Variants in SLC44A1 observed in about 807,000 individuals in gnomAD.
SLC44A1 encodes the protein solute carrier family 44 member 1.
A neutral mutation model predicts 79.3 loss-of-function variants in SLC44A1; 26 were observed. That is an observed-to-expected ratio of 0.33 (90% CI 0.24 to 0.46). The LOEUF (loss-of-function observed/expected upper bound fraction) is 0.46, where lower values mean the gene tolerates loss of function less well. Ranked by LOEUF, SLC44A1 falls within the 20% of genes least tolerant of loss-of-function variation. The pLI is 1.00. For synonymous variants in SLC44A1, 263 were observed against 286.2 expected, an observed-to-expected ratio of 0.92 and a Z score of 0.82; for missense variants, 688 against 798.1, an observed-to-expected ratio of 0.86 and a Z score of 1.66.
At chr9:105,426,155 T>C (rs1328200554) in intron 15 of SLC44A1, among the ~76,000 whole-genome samples, 2 of 152,220 alleles carry the variant, frequency 1.3e-5, no homozygotes, top group Admixed American at 6.5e-5. Flanking sequence ...GGCCTTTCTA[T>C]ATAAACCATT....
chr9:105,399,898 G>GA (rs1266852114), downstream of SLC44A1, among the ~76,000 whole-genome samples: 3 of 152,292 alleles, frequency 2.0e-5, no homozygotes, highest in Admixed American at 6.5e-5. Flanking sequence ...GAGAATCATT[G>GA]AAAATGAAAA....
chr9:105,335,067 A>G (rs901218494), intron 3 of SLC44A1, among the ~76,000 whole-genome samples: 3 of 152,130 alleles, frequency 2.0e-5, no homozygotes, highest in Non-Finnish European at 4.4e-5. Context: ...ATTCAGTTGT[A>G]TATATTCATT....
At chr9:105,428,784 C>T (rs548253686) in intron 15 of SLC44A1, among the ~76,000 whole-genome samples, 88 of 152,318 alleles carry the variant, frequency 5.8e-4, no homozygotes, top group Admixed American at 2.5e-3. Flanking sequence ...CCTACAGCCT[C>T]CGCCTCCTGG....
chr9:105,267,433 A>AT (rs566615100), intron 1 of SLC44A1, among the ~76,000 whole-genome samples: 2 of 151,714 alleles, frequency 1.3e-5, no homozygotes, highest in Non-Finnish European at 1.5e-5. Context: ...TCTTTCTTGG[A>AT]TTTTTTTCCC....
At chr9:105,249,550 G>C (rs969725751) in intron 1 of SLC44A1, among the ~76,000 whole-genome samples, 2 of 148,882 alleles carry the variant, frequency 1.3e-5, no homozygotes, top group Non-Finnish European at 3.0e-5. Flanking sequence ...TTGAGCCAGA[G>C]TTTGGCTCTC....
At chr9:105,406,671 G>C (rs756116671) in intron 15 of SLC44A1, among the ~76,000 whole-genome samples, 1 of 152,176 alleles carries the variant, frequency 6.6e-6, no homozygotes, top group Non-Finnish European at 1.5e-5. Context: ...GAGCCCACGA[G>C]TTCAAGGCCG....
intron 1 of SLC44A1, among the ~76,000 whole-genome samples, chr9:105,262,703 CTGT>C (rs1829869104): frequency 6.6e-6 from 1 of 152,162 alleles, no homozygotes; most frequent in Non-Finnish European, 1.5e-5. Flanking sequence ...GCACAGTGAC[CTGT>C]TTAGTGTTCC....
chr9:105,298,461 T>A (rs1392999804), intron 1 of SLC44A1, among the ~76,000 whole-genome samples: 1 of 152,200 alleles, frequency 6.6e-6, no homozygotes, highest in African/African-American at 2.4e-5. Context: ...CAAGCGGTTC[T>A]CCTGCCTCAG....
At chr9:105,432,887 A>C (rs1005336072) in intron 15 of SLC44A1, among the ~76,000 whole-genome samples, 1 of 152,206 alleles carries the variant, frequency 6.6e-6, no homozygotes, top group Non-Finnish European at 1.5e-5. Context: ...AAAAATAAGA[A>C]CTTCAGTTCA....
chr9:105,258,448 G>A (rs567605893), intron 1 of SLC44A1, among the ~76,000 whole-genome samples: 209 of 152,284 alleles, frequency 1.4e-3, no homozygotes, highest in African/African-American at 4.6e-3. Flanking sequence ...TAACTCTGAG[G>A]TGGGTCCCAG....
intron 2 of SLC44A1, among the ~76,000 whole-genome samples, chr9:105,305,275 C>CT (rs952568249): frequency 5.3e-5 from 8 of 151,020 alleles, no homozygotes; most frequent in Middle Eastern, 3.2e-3. Flanking sequence ...TGGCCTCATT[C>CT]TTTTTTTTTC....
At chr9:105,429,566 GT>G (rs926616535) in intron 15 of SLC44A1, among the ~76,000 whole-genome samples, 1 of 152,186 alleles carries the variant, frequency 6.6e-6, no homozygotes, top group Non-Finnish European at 1.5e-5. Flanking sequence ...ACCTCTCAAA[GT>G]GCTGAGATTA....
At chr9:105,348,836 A>T (rs1204960157) in intron 5 of SLC44A1, among the ~76,000 whole-genome samples, 6 of 152,066 alleles carry the variant, frequency 3.9e-5, no homozygotes, top group Middle Eastern at 3.2e-3. Context: ...ATTTACTGGG[A>T]TTGTTTTAAA....
rs568121622 is a variant in SLC44A1, at chr9:105,415,010, TAAGAA to T, written c.1951-23269_1951-23265del. Among the ~76,000 whole-genome samples the T allele has an allele frequency of 1.1e-4, 17 of 152,166 alleles. No individual in the cohort carries two copies. The South Asian group carries it at 3.3e-3, about 30-fold the overall frequency. On this transcript the variant is annotated intron_variant, in intron 15 of 15. Transcript: ENST00000374724. ...TGGTGGGATACTCACCCATCAAACA[TAAGAA>T]AGGAAAGGTCAAGACTTTACTGGGT...
At chr9:105,307,385 T>C (rs1831060432) in intron 2 of SLC44A1, among the ~76,000 whole-genome samples, 1 of 152,172 alleles carries the variant, frequency 6.6e-6, no homozygotes, top group South Asian at 2.1e-4. Context: ...GGCTCACGCA[T>C]GTAATCCCAG....
chr9:105,282,582 T>C (rs1441694259), intron 1 of SLC44A1, among the ~76,000 whole-genome samples: 1 of 152,092 alleles, frequency 6.6e-6, no homozygotes, highest in Non-Finnish European at 1.5e-5. Flanking sequence ...GGAGTCTTGC[T>C]CTGTCAGCCA....
intron 3 of SLC44A1, among the ~76,000 whole-genome samples, chr9:105,320,645 GGCATGATT>G (rs751272032): frequency 0.011 from 1,636 of 152,074 alleles, 35 homozygotes; most frequent in African/African-American, 0.037. Context: ...GCTATTTATT[GGCATGATT>G]ATAGCACGCT....
Position 105,394,912 on chromosome 9 carries a change from C to A in SLC44A1, c.*5856C>A. On this transcript the variant is annotated 3_prime_UTR_variant, in exon 16 of 16. Coordinates refer to ENST00000374720, the MANE Select transcript of SLC44A1 (RefSeq NM_080546.5). The stretch of plus-strand genomic sequence containing the variant: ...ATAGAACTCCACCCCCAGTCCCTTA[C>A]CTACTCTATCTTCTTTAGGGAAGCA... The A allele has an allele frequency of 2.0e-6, 2 of 985,456 alleles. No homozygotes were observed. Among genetic ancestry groups the A allele is most frequent in the Non-Finnish European group, 2.4e-6 (2 of 829,978 alleles). 61.0% of individuals were successfully genotyped at this position (985,456 alleles called of 1,614,324 possible). A position where few individuals can be genotyped will look rare whatever the true frequency, so the allele number is the denominator to read the frequency against.
intron 15 of SLC44A1, among the ~76,000 whole-genome samples, chr9:105,403,640 A>G (rs1240929519): frequency 6.8e-6 from 1 of 147,762 alleles, no homozygotes; most frequent in African/African-American, 2.5e-5. Context: ...AGATGATTGT[A>G]ATCTAGTGTG....
Sources: allele counts gnomAD v4.1 joint callset (sites outside exome capture counted in the v4.1 genomes callset), GRCh38; gene constraint gnomAD v4.1.1; transcripts MANE v1.5; gene names NCBI Gene and HGNC (gene_info 2026-07-23, HGNC 2026-07-21).